The following ADAMTS6 variants were observed in gnomAD, a reference collection of about 807,000 sequenced individuals.
ADAMTS6 encodes ADAM metallopeptidase with thrombospondin type 1 motif 6, also known as A disintegrin and metalloproteinase with thrombospondin motifs 6.
A neutral mutation model predicts 144.3 loss-of-function variants in ADAMTS6; 23 were observed. The ratio of observed to expected loss-of-function variants is 0.16; its 90% CI spans 0.11 to 0.23. The LOEUF (loss-of-function observed/expected upper bound fraction) is 0.23, where lower values mean the gene tolerates loss of function less well. ADAMTS6 is among the 10% of genes least tolerant of loss of function. The pLI, the probability that ADAMTS6 is intolerant of heterozygous loss-of-function variation, is 1.00. For synonymous variants in ADAMTS6, 444 were observed against 457.5 expected (o/e 0.97, Z 0.38); for missense variants, 999 against 1,379.6 (o/e 0.72, Z 4.37).
At chr5:65,446,767 C>T (rs1379322230) in intron 7 of ADAMTS6, among the ~76,000 whole-genome samples, 1 of 152,080 alleles carries the variant, frequency 6.6e-6, no homozygotes, top group African/African-American at 2.4e-5. Flanking sequence ...TCTATATAGA[C>T]AGAAAGTAGA....
intron 21 of ADAMTS6, among the ~76,000 whole-genome samples, chr5:65,196,391 T>G (rs138663320): frequency 1.3e-5 from 2 of 151,074 alleles, no homozygotes; most frequent in Non-Finnish European, 3.0e-5. Context: ...GGTGTGGTGG[T>G]GGGCGCCTGT....
chr5:65,242,686 T>C (rs1759297082), intron 14 of ADAMTS6, among the ~76,000 whole-genome samples: 1 of 152,148 alleles, frequency 6.6e-6, no homozygotes, highest in African/African-American at 2.4e-5. Flanking sequence ...ATTTACTGTT[T>C]AGCCTTGACA....
chr5:65,278,885 T>C (rs1018955751), intron 11 of ADAMTS6, among the ~76,000 whole-genome samples: 38 of 152,140 alleles, frequency 2.5e-4, no homozygotes, highest in Admixed American at 2.0e-3. Context: ...TCATTTGACT[T>C]CTGTGGAGGC....
chr5:65,262,685 C>A, intron 13 of ADAMTS6, 132 bp downstream of exon 13: 2 of 1,060,856 alleles, frequency 1.9e-6, no homozygotes, highest in Non-Finnish European at 2.5e-6. Context: ...CTTTCCTGTG[C>A]CTATGGCTTG....
intron 11 of ADAMTS6, among the ~76,000 whole-genome samples, chr5:65,281,591 T>A (rs1580283735): frequency 6.6e-6 from 1 of 152,084 alleles, no homozygotes; most frequent in African/African-American, 2.4e-5. Flanking sequence ...AACAAGACAT[T>A]TAAAAATACT....
intron 15 of ADAMTS6, among the ~76,000 whole-genome samples, chr5:65,236,851 A>C (rs1241347935): frequency 1.4e-4 from 21 of 152,132 alleles, no homozygotes; most frequent in Admixed American, 1.4e-3. Flanking sequence ...GACAAATTAC[A>C]GAAAAGAGTA....
At position 65,473,607 on chromosome 5, in the gene ADAMTS6, T is replaced by C; in HGVS notation, c.67A>G (p.Ser23Gly). 1.2e-6 allele frequency: 2 copies of C among 1,613,822 alleles called. No homozygotes were observed. Among genetic ancestry groups the C allele is most frequent in the Non-Finnish European group, 1.7e-6 (2 of 1,179,740 alleles). Reference sequence around the variant, plus strand: ...GAACTGTATGAAAGCCTGTGGTCACTATGAAATTCCGATGAAGCCATGATG... The same window carrying C: ...GAACTGTATGAAAGCCTGTGGTCACCATGAAATTCCGATGAAGCCATGATG... The part of the protein sequence containing the change: ...SLIMASSEFH[S>G]DHRLSYSSQE... Residue 23 changes from serine (S) to glycine (G), a missense_variant, in exon 2 of 25, where the codon AGT becomes GGT. Physicochemically the swap from Ser to Gly is moderately conservative, Grantham distance 56. This residue lies in a region of ADAMTS6 where 252 missense variants were observed against 293.7 expected (regional missense o/e 0.86). Coordinates refer to ENST00000381055, the MANE Select transcript of ADAMTS6 (RefSeq NM_197941.4).
intron 24 of ADAMTS6, among the ~76,000 whole-genome samples, chr5:65,160,786 G>A (rs1339027989): frequency 6.6e-6 from 1 of 151,814 alleles, no homozygotes; most frequent in African/African-American, 2.4e-5. Flanking sequence ...CCAAGTAGCT[G>A]GGATTACAGG....
intron 14 of ADAMTS6, among the ~76,000 whole-genome samples, chr5:65,254,494 A>G (rs12517876): frequency 0.31 from 47,652 of 152,124 alleles, 7,688 homozygotes; most frequent in Admixed American, 0.39. Context: ...TGAAAAAATA[A>G]GGAAAGCTTA....
chr5:65,352,679 A>T (rs992381926), intron 7 of ADAMTS6, among the ~76,000 whole-genome samples: 1 of 152,072 alleles, frequency 6.6e-6, no homozygotes, highest in Non-Finnish European at 1.5e-5. Context: ...AGCCTAAAAA[A>T]TGTGCAGGAT....
At chr5:65,409,638 C>G (rs1258893427) in intron 7 of ADAMTS6, among the ~76,000 whole-genome samples, 1 of 152,188 alleles carries the variant, frequency 6.6e-6, no homozygotes, top group Non-Finnish European at 1.5e-5. Flanking sequence ...ATCCTCCTAA[C>G]TCATTTTATG....
At position 65,225,044 on chromosome 5, in the gene ADAMTS6, C is replaced by T. The variant is rs754433440; in HGVS notation, c.2071G>A (p.Val691Ile). The T allele has an allele frequency of 1.2e-5, 20 of 1,613,056 alleles. No individual in the cohort carries two copies. Among genetic ancestry groups the T allele is most frequent in the South Asian group, 5.5e-5 (5 of 90,904 alleles). Reference protein sequence around the residue: ...DICINGECKHVGCDNILGSDA... With the variant: ...DICINGECKHIGCDNILGSDA... ...GATCCCAAAATATTATCACAGCCTA[C>T]GTGCTGAAAACAGAGAGGAATATTC... Residue 691 changes from valine (V) to isoleucine (I), a missense_variant, in exon 17 of 25, where the codon GTA becomes ATA. Physicochemically the swap from Val to Ile is conservative, Grantham distance 29. Transcript: ENST00000381055.
intron 7 of ADAMTS6, among the ~76,000 whole-genome samples, chr5:65,422,495 G>A (rs1349121085): frequency 2.0e-5 from 3 of 152,190 alleles, no homozygotes; most frequent in Non-Finnish European, 4.4e-5. Flanking sequence ...GGTGGCGCAT[G>A]CCTGTAATCC....
At chr5:65,299,537 T>C (rs936091738) in intron 10 of ADAMTS6, among the ~76,000 whole-genome samples, 1 of 152,202 alleles carries the variant, frequency 6.6e-6, no homozygotes, top group African/African-American at 2.4e-5. Context: ...ACAAATCTTT[T>C]TCTCAAAGTG....
intron 18 of ADAMTS6, among the ~76,000 whole-genome samples, chr5:65,223,378 TATACG>T (rs1427336709): frequency 6.6e-6 from 1 of 152,212 alleles, no homozygotes; most frequent in Non-Finnish European, 1.5e-5. Flanking sequence ...AAATTTCAAG[TATACG>T]ATACATTTTA....
At chr5:65,290,036 A>T (rs1481203760) in intron 11 of ADAMTS6, among the ~76,000 whole-genome samples, 2 of 152,188 alleles carry the variant, frequency 1.3e-5, no homozygotes, top group Non-Finnish European at 2.9e-5. Flanking sequence ...TCTACATATC[A>T]TATAATCACA....
At chr5:65,201,048 G>T (rs1442046992) in intron 20 of ADAMTS6, among the ~76,000 whole-genome samples, 1 of 152,138 alleles carries the variant, frequency 6.6e-6, no homozygotes, top group East Asian at 1.9e-4. Context: ...TGGGAAGAAG[G>T]CATATTCCAC....
intron 7 of ADAMTS6, among the ~76,000 whole-genome samples, chr5:65,440,751 C>T (rs1175330497): frequency 6.6e-6 from 1 of 151,928 alleles, no homozygotes; most frequent in Non-Finnish European, 1.5e-5. Context: ...ACTGGAAAAC[C>T]ACAAGATTCA....
At chr5:65,226,810 T>C (rs921027340) in intron 15 of ADAMTS6, among the ~76,000 whole-genome samples, 6 of 152,174 alleles carry the variant, frequency 3.9e-5, no homozygotes, top group Admixed American at 1.3e-4. Flanking sequence ...CTTGAACTCC[T>C]GACCTCAGGT....
Sources: allele counts gnomAD v4.1 joint callset (sites outside exome capture counted in the v4.1 genomes callset), GRCh38; gene constraint gnomAD v4.1.1; regional missense constraint gnomAD v4.1.1; transcripts MANE v1.5; gene names NCBI Gene and HGNC (gene_info 2026-07-23, HGNC 2026-07-21).